RARA: variants seen among roughly 807,000 people sequenced by gnomAD.
RARA encodes the protein PML-DDX5-RARA fusion.
Under a neutral mutation model 42.8 loss-of-function variants are expected in RARA, and 5 were observed. The ratio of observed to expected loss-of-function variants is 0.12; its 90% CI spans 0.06 to 0.25. The LOEUF (loss-of-function observed/expected upper bound fraction) is 0.25. Among genes scored for constraint, RARA ranks in the 10% least tolerant of loss-of-function variants. RARA has a pLI of 1.00. For synonymous variants in RARA, 256 were observed against 259.5 expected (o/e 0.99, Z 0.13); for missense variants, 402 against 628.7 (o/e 0.64, Z 3.86).
Position 40,355,506 on chromosome 17 carries a change from G to GC in RARA, c.1171+87dup. The GC allele has an allele frequency of 6.7e-7, 1 of 1,492,720 alleles. No homozygotes were observed. The highest frequency in any genetic ancestry group is 1.3e-5 in the South Asian group (1 of 76,546). The allele number at this position is 1,492,720 out of a possible 1,614,324, so 92.5% of individuals were successfully genotyped here. A position where few individuals can be genotyped will look rare whatever the true frequency, so the allele number is the denominator to read the frequency against. ...CCAAGCCAGCACCCCATGTCTTTGT[G>GC]CCAGGACAATACGACACCTGTCCCC... is the stretch of plus-strand genomic sequence containing the variant. On this transcript the variant is annotated intron_variant, in intron 8 of 8. Transcript: ENST00000254066. This position sits in a 1 kb window ranked among gnomAD's most constrained non-coding sequence, Gnocchi z 4.1.
chr17:40,336,099 G>A (rs769627192), intron 2 of RARA, among the ~76,000 whole-genome samples: 59 of 152,148 alleles, frequency 3.9e-4, no homozygotes, highest in Non-Finnish European at 6.9e-4. Flanking sequence ...GTTTTGAGAC[G>A]GAGTCCTGCT....
rs144249834 is a variant in RARA, at chr17:40,352,465, C to T, written c.765C>T (p.Ala255=). The T allele has an allele frequency of 2.7e-5, 44 of 1,613,538 alleles. No homozygotes were observed. In the African/African-American group the frequency reaches 3.7e-4, roughly 14 times the overall value. ...QLPGFTTLTI[A]DQITLLKAAC... ...CCGGCTTCACCACCCTCACCATCGC[C>T]GACCAGATCACCCTCCTCAAGGCTG... The change falls in exon 6 of 9, where the codon GCC becomes GCT. Residue 255 remains alanine (A), a synonymous_variant. Transcript: ENST00000254066. This position sits in a 1 kb window ranked among gnomAD's most constrained non-coding sequence, Gnocchi z 4.9.
rs958266830 is a variant in RARA, at chr17:40,355,519, G to A, written c.1171+98G>A. 5.6e-6 allele frequency: 8 copies of A among 1,439,486 alleles called. No homozygotes were observed. The highest frequency in any genetic ancestry group is 1.4e-5 in the African/African-American group (1 of 70,064). The allele number at this position is 1,439,486 out of a possible 1,614,324, so 89.2% of individuals were successfully genotyped here. A position where few individuals can be genotyped will look rare whatever the true frequency, so the allele number is the denominator to read the frequency against. On this transcript the variant is annotated intron_variant, in intron 8 of 8. Transcript: ENST00000254066. This position sits in a 1 kb window ranked among gnomAD's most constrained non-coding sequence, Gnocchi z 4.1. ...CCATGTCTTTGTGCCAGGACAATAC[G>A]ACACCTGTCCCCATCTGTGTCTAGG...
chr17:40,354,204 C>T lies in RARA; in HGVS notation c.808-98C>T. ...AGACAGCATTGCTCCGGCCACCTGC[C>T]AGGTGGTCCTCCGGGAGTGCTGGTG... On this transcript the variant is annotated intron_variant, in intron 6 of 8. Coordinates refer to ENST00000254066, the MANE Select transcript of RARA (RefSeq NM_000964.4). The surrounding 1 kb of genome is among the most constrained non-coding windows in gnomAD (Gnocchi z 4.5). The T allele has an allele frequency of 8.6e-7, 1 of 1,168,510 alleles. No homozygotes were observed. The highest frequency in any genetic ancestry group is 2.5e-5 in the East Asian group (1 of 39,786). The allele number at this position is 1,168,510 out of a possible 1,614,324, so 72.4% of individuals were successfully genotyped here.
intron 1 of RARA, among the ~76,000 whole-genome samples, chr17:40,315,171 T>TATATATATATATACAC: frequency 1.3e-5 from 1 of 76,570 alleles, no homozygotes; most frequent in African/African-American, 5.9e-5. Context: ...TATATATATA[T>TATATATATATATACAC]ACACACACAC....
At chr17:40,338,037 C>A (rs1377365801) in intron 2 of RARA, among the ~76,000 whole-genome samples, 1 of 152,226 alleles carries the variant, frequency 6.6e-6, no homozygotes, top group Non-Finnish European at 1.5e-5. Flanking sequence ...GGGTCCCTCA[C>A]CTTTTATCTC....
Position 40,352,131 on chromosome 17 carries a change from C to G in RARA, c.630+61C>G. On this transcript the variant is annotated intron_variant, in intron 5 of 8. Coordinates refer to ENST00000254066, the MANE Select transcript of RARA (RefSeq NM_000964.4). The surrounding 1 kb of genome is among the most constrained non-coding windows in gnomAD (Gnocchi z 4.9). ...CCCAGGGCCACAGGGCCAGGATGGG[C>G]CCCTCTCAGGCACCCCTTCTTGTGC... 8.8e-6 allele frequency: 13 copies of G among 1,480,996 alleles called. No homozygotes were observed. Among genetic ancestry groups the G allele is most frequent in the Non-Finnish European group, 1.1e-5 (12 of 1,119,040 alleles). 91.7% of individuals were successfully genotyped at this position (1,480,996 alleles called of 1,614,324 possible). A position where few individuals can be genotyped will look rare whatever the true frequency, so the allele number is the denominator to read the frequency against.
intron 1 of RARA, among the ~76,000 whole-genome samples, chr17:40,318,103 T>C (rs1383023308): frequency 2.6e-5 from 4 of 152,196 alleles, no homozygotes; most frequent in African/African-American, 9.6e-5. Context: ...GACTCGCCCT[T>C]CCCGAGGTCT....
chr17:40,333,805 T>A (rs774375930), intron 2 of RARA, among the ~76,000 whole-genome samples: 2 of 151,984 alleles, frequency 1.3e-5, no homozygotes, highest in Admixed American at 6.5e-5. Context: ...CCAGGCTGAT[T>A]TTTTGATTTT....
chr17:40,325,089 A>G (rs994240966), intron 1 of RARA, among the ~76,000 whole-genome samples: 3 of 151,916 alleles, frequency 2.0e-5, no homozygotes, highest in African/African-American at 7.3e-5. Flanking sequence ...CATCTCTACT[A>G]AAAATACAAA....
chr17:40,325,240 G>A (rs914665375), intron 1 of RARA, among the ~76,000 whole-genome samples: 1 of 150,660 alleles, frequency 6.6e-6, no homozygotes, highest in Non-Finnish European at 1.5e-5. Flanking sequence ...GACAGGGTGA[G>A]ACTCCATCTC....
At position 40,351,503 on chromosome 17, in the gene RARA, C is replaced by G. The variant is rs1008259599; in HGVS notation, c.470-407C>G. On this transcript the variant is annotated intron_variant, in intron 4 of 8. Transcript: ENST00000254066. This position sits in a 1 kb window ranked among gnomAD's most constrained non-coding sequence, Gnocchi z 4.1. ...TGCTCAGAGCCAGTCCCAAGGGACC[C>G]CCAGGGAGACTGCAGCTGGGAGGGC... 6 of 474,544 alleles carry G rather than the reference C, an allele frequency of 1.3e-5. No homozygotes were observed. Among genetic ancestry groups the G allele is most frequent in the East Asian group, 6.7e-5 (1 of 14,886 alleles). The allele number at this position is 474,544 out of a possible 1,614,324, so 29.4% of individuals were successfully genotyped here. A position where few individuals can be genotyped will look rare whatever the true frequency, so the allele number is the denominator to read the frequency against.
chr17:40,332,131 C>G (rs2033711674), intron 2 of RARA, among the ~76,000 whole-genome samples: 1 of 152,198 alleles, frequency 6.6e-6, no homozygotes, highest in African/African-American at 2.4e-5. Flanking sequence ...CTGGCCGAGC[C>G]AGGTAGTGGG....
chr17:40,318,862 C>G (rs2033284064), intron 1 of RARA, among the ~76,000 whole-genome samples: 2 of 152,206 alleles, frequency 1.3e-5, no homozygotes, highest in African/African-American at 4.8e-5. Flanking sequence ...CTGAGCTGCC[C>G]TGTGGTTTGG....
rs2143321286 is a variant in RARA, at chr17:40,336,196, G to A, written c.178+4800G>A. ...AGGTTCAAGCGATTCTCTTGCCACA[G>A]CCTCCTGAGTAGCTGGGATTACAGG... On this transcript the variant is annotated intron_variant, in intron 2 of 8. Transcript: ENST00000254066. Among the ~76,000 whole-genome samples the A allele has an allele frequency of 2.6e-5, 4 of 152,010 alleles. No individual in the cohort carries two copies. In the East Asian group the frequency reaches 7.8e-4, roughly 30 times the overall value.
At chr17:40,341,844 G>A in intron 2 of RARA, 1 of 1,067,446 alleles carries the variant, frequency 9.4e-7, no homozygotes, top group Non-Finnish European at 1.2e-6. Flanking sequence ...TACAAGGGAG[G>A]ACGCCCGCCC....
At position 40,345,753 on chromosome 17, in the gene RARA, C is replaced by T. The variant is rs779760774; in HGVS notation, c.179-2563C>T. On this transcript the variant is annotated intron_variant, in intron 2 of 8. Coordinates refer to ENST00000254066, the MANE Select transcript of RARA (RefSeq NM_000964.4). This position sits in a 1 kb window ranked among gnomAD's most constrained non-coding sequence, Gnocchi z 4.8. Reference sequence around the variant, plus strand: ...GGGATGGGCCAGGCCCGGGCAGTCCCTCCCCCGTTGGTGTCCCTCCCCACT... The same window carrying T: ...GGGATGGGCCAGGCCCGGGCAGTCCTTCCCCCGTTGGTGTCCCTCCCCACT... Among the ~76,000 whole-genome samples the T allele has an allele frequency of 3.3e-5, 5 of 152,212 alleles. No homozygotes were observed. The highest frequency in any genetic ancestry group is 1.9e-4 in the East Asian group (1 of 5,194).
At chr17:40,342,641 G>A in intron 2 of RARA, 1 of 1,548,462 alleles carries the variant, frequency 6.5e-7, no homozygotes, top group Admixed American at 1.8e-5. Context: ...TGGCGCCGCC[G>A]GCTGAGTGAC....
rs1226384768 is a variant in RARA, at chr17:40,320,705, G to T, written c.-362-10152G>T. On this transcript the variant is annotated intron_variant, in intron 1 of 8. Transcript: ENST00000254066. The surrounding 1 kb of genome is among the most constrained non-coding windows in gnomAD (Gnocchi z 4.1). Reference sequence around the variant, plus strand: ...GTTTCCAGTCCTCTTGGAAGCATGGGCAGGACAGGACTTAGGCTAGGCTGG... The same window carrying T: ...GTTTCCAGTCCTCTTGGAAGCATGGTCAGGACAGGACTTAGGCTAGGCTGG... Among the ~76,000 whole-genome samples, 1 of 152,170 alleles carries T rather than the reference G, an allele frequency of 6.6e-6. No individual in the cohort carries two copies. The highest frequency in any genetic ancestry group is 1.5e-5 in the Non-Finnish European group (1 of 68,034).
Sources: allele counts gnomAD v4.1 joint callset (sites outside exome capture counted in the v4.1 genomes callset), GRCh38; gene constraint gnomAD v4.1.1; non-coding constraint Gnocchi (gnomAD v3.1); transcripts MANE v1.5; gene names NCBI Gene and HGNC (gene_info 2026-07-23, HGNC 2026-07-21).